The following TGIF1 variants were observed in gnomAD, a reference collection of about 807,000 sequenced individuals.
TGIF1 encodes the protein TGFB induced factor homeobox 1.
In TGIF1, 4 loss-of-function variants were observed where a neutral mutation model predicts 19.3. The observed-to-expected ratio is 0.21, with a 90% confidence interval of 0.10 to 0.47. The LOEUF (loss-of-function observed/expected upper bound fraction) is 0.47. Among genes scored for constraint, TGIF1 ranks in the 20% least tolerant of loss-of-function variants. The probability of loss-of-function intolerance (pLI) is 0.98; values close to 1 mark genes in which losing one functional copy is unlikely to be tolerated. For synonymous variants in TGIF1, 122 were observed against 129.3 expected, an observed-to-expected ratio of 0.94 and a Z score of 0.38; for missense variants, 275 against 341.4, an observed-to-expected ratio of 0.81 and a Z score of 1.53.
chr18:3,426,621 G>T (rs8083098), intron 2 of TGIF1, among the ~76,000 whole-genome samples: 18,164 of 152,156 alleles, frequency 0.12, 1,408 homozygotes, highest in African/African-American at 0.23. Flanking sequence ...GGAGAAAGAA[G>T]CAGGAATTCC....
chr18:3,435,973 GTC>G (rs34525527), intron 2 of TGIF1, among the ~76,000 whole-genome samples: 88,429 of 151,772 alleles, frequency 0.58, 26,228 homozygotes, highest in East Asian at 0.91. Context: ...CGATCTTCCT[GTC>G]TCTCTGCCAC....
intron 2 of TGIF1, among the ~76,000 whole-genome samples, chr18:3,423,446 A>G (rs57425360): frequency 0.13 from 19,439 of 151,862 alleles, 3,804 homozygotes; most frequent in African/African-American, 0.42. Flanking sequence ...TTGGGAGGCC[A>G]GGGCGGGCAG....
At chr18:3,427,636 G>A (rs565763707) in intron 2 of TGIF1, among the ~76,000 whole-genome samples, 30 of 146,700 alleles carry the variant, frequency 2.0e-4, no homozygotes, top group Admixed American at 4.8e-4. Context: ...GTTTCCCTCT[G>A]TCACCCAGGC....
In TGIF1 at chr18:3,419,202, T is replaced by G. The variant is rs545082165; in HGVS notation, c.-45+987T>G. Among the ~76,000 whole-genome samples the G allele has an allele frequency of 1.6e-4, 25 of 152,166 alleles. 1 individual carries two copies. In the South Asian group the frequency reaches 5.2e-3, roughly 32 times the overall value. On this transcript the variant is annotated intron_variant, in intron 2 of 3. Coordinates refer to the TGIF1 transcript ENST00000401449. The stretch of plus-strand genomic sequence containing the variant: ...GCATATAAGTTAAGATGGAGGAAAA[T>G]AAACTCAATAATGTTGAGAGAATTG...
At chr18:3,454,965 C>T (rs1368769840) in intron 1 of TGIF1, among the ~76,000 whole-genome samples, 2 of 152,126 alleles carry the variant, frequency 1.3e-5, no homozygotes, top group East Asian at 3.8e-4. Context: ...CGGTGTTTAG[C>T]TTAAGAGGAA....
upstream of TGIF1, chr18:3,448,180 C>A (rs113485929): frequency 6.2e-5 from 61 of 985,046 alleles, no homozygotes; most frequent in Non-Finnish European, 7.2e-5. Flanking sequence ...CAAAGCGTCT[C>A]CCCAGTAACC....
Position 3,456,759 on chromosome 18 carries a change from C to G in TGIF1, c.243+179C>G, listed in dbSNP as rs1273584876. On this transcript the variant is annotated intron_variant, in intron 2 of 2. Transcript: ENST00000343820. This position sits in a 1 kb window ranked among gnomAD's most constrained non-coding sequence, Gnocchi z 4.2. ...TAGCTATTTAGAGAACACAGAAACACTTGACAGTCATCTATCAGATAGCAT... is the reference window on the plus strand; with the variant it reads ...TAGCTATTTAGAGAACACAGAAACAGTTGACAGTCATCTATCAGATAGCAT... The G allele has an allele frequency of 1.6e-5, 11 of 707,394 alleles. No homozygotes were observed. The highest frequency in any genetic ancestry group is 2.5e-5 in the Non-Finnish European group (10 of 393,584). The allele number at this position is 707,394 out of a possible 1,614,324, so 43.8% of individuals were successfully genotyped here. A position where few individuals can be genotyped will look rare whatever the true frequency, so the allele number is the denominator to read the frequency against.
rs749229272 is a variant in TGIF1, at chr18:3,456,394, C to T, written c.57C>T (p.Asp19=). ...AASGSETEDE[D]SMDIPLDLSS... is the part of the protein sequence containing the mutation. ...CTGGCAGTGAGACTGAGGATGAGGA[C>T]AGCATGGACATTCCCTTGGACCTTT... Residue 19 remains aspartate, a synonymous_variant, in exon 2 of 3, where the codon GAC becomes GAT. Transcript: ENST00000343820. This position sits in a 1 kb window ranked among gnomAD's most constrained non-coding sequence, Gnocchi z 4.2. The T allele has an allele frequency of 6.2e-6, 10 of 1,614,240 alleles. No homozygotes were observed. The South Asian group carries it at 1.1e-4, about 18-fold the overall frequency.
intron 2 of TGIF1, among the ~76,000 whole-genome samples, chr18:3,424,631 C>T (rs1435801294): frequency 6.6e-6 from 1 of 152,162 alleles, no homozygotes; most frequent in Non-Finnish European, 1.5e-5. Flanking sequence ...ATAGTGGTTG[C>T]CACTGGATTA....
Position 3,457,370 on chromosome 18 carries a change from T to C in TGIF1, c.249T>C (p.Cys83=). 6.2e-7 allele frequency: 1 copy of C among 1,614,228 alleles called. No individual in the cohort carries two copies. The highest frequency in any genetic ancestry group is 2.2e-5 in the East Asian group (1 of 44,884). The change falls in exon 3 of 3, where the codon TGT becomes TGC. Residue 83 remains cysteine, a synonymous_variant. Coordinates refer to ENST00000343820, the MANE Select transcript of TGIF1 (RefSeq NM_003244.4). The surrounding 1 kb of genome is among the most constrained non-coding windows in gnomAD (Gnocchi z 4.9). ...QQTHLSTLQV[C]NWFINARRRL... The stretch of plus-strand genomic sequence containing the variant: ...GCGTACCGATATGATTTCAGGTCTG[T>C]AACTGGTTCATCAACGCCCGCCGCA...
At chr18:3,440,186 A>G (rs893630091) in intron 2 of TGIF1, among the ~76,000 whole-genome samples, 2 of 152,164 alleles carry the variant, frequency 1.3e-5, no homozygotes, top group African/African-American at 2.4e-5. Flanking sequence ...CCCGGTCTCT[A>G]CTAAAAATAC....
intron 2 of TGIF1, among the ~76,000 whole-genome samples, chr18:3,427,230 C>A (rs2082483284): frequency 6.6e-6 from 1 of 152,140 alleles, no homozygotes; most frequent in Admixed American, 6.6e-5. Flanking sequence ...AGGCGTGAGC[C>A]ACCGCGCCCA....
chr18:3,441,217 A>ATT (rs1375099347), intron 2 of TGIF1, among the ~76,000 whole-genome samples: 1 of 152,102 alleles, frequency 6.6e-6, no homozygotes, highest in Non-Finnish European at 1.5e-5. Flanking sequence ...TGCTACAACT[A>ATT]TTTTTCCAAG....
chr18:3,421,093 G>A (rs2082391833), intron 2 of TGIF1, among the ~76,000 whole-genome samples: 1 of 152,026 alleles, frequency 6.6e-6, no homozygotes, highest in Admixed American at 6.6e-5. Context: ...CGTCAAAGCT[G>A]TCCTAACTTT....
At chr18:3,449,228 G>A (rs1278518091), upstream of TGIF1, among the ~76,000 whole-genome samples, 1 of 152,136 alleles carries the variant, frequency 6.6e-6, no homozygotes, top group Non-Finnish European at 1.5e-5. Context: ...TGGGAGGAGG[G>A]ATCCCCTAGC....
intron 2 of TGIF1, among the ~76,000 whole-genome samples, chr18:3,426,734 C>G (rs550257541): frequency 2.6e-5 from 4 of 152,120 alleles, no homozygotes; most frequent in African/African-American, 4.8e-5. Context: ...AAGAATCACA[C>G]TTTTAGGAAG....
intron 2 of TGIF1, among the ~76,000 whole-genome samples, chr18:3,429,130 C>T (rs970577613): frequency 7.9e-5 from 12 of 152,066 alleles, no homozygotes; most frequent in African/African-American, 2.2e-4. Context: ...GATTATAGCT[C>T]ACTGCAGCCT....
intron 1 of TGIF1, among the ~76,000 whole-genome samples, chr18:3,412,582 A>T (rs1003763663): frequency 6.6e-6 from 1 of 152,228 alleles, no homozygotes; most frequent in African/African-American, 2.4e-5. Context: ...AGGTGGTATG[A>T]GTAATTTTTC....
At chr18:3,437,909 C>T (rs1395201652) in intron 2 of TGIF1, among the ~76,000 whole-genome samples, 2 of 152,110 alleles carry the variant, frequency 1.3e-5, no homozygotes, top group Non-Finnish European at 2.9e-5. Flanking sequence ...CATGGTGAAA[C>T]CCCATCTCTA....
Sources: allele counts gnomAD v4.1 joint callset (sites outside exome capture counted in the v4.1 genomes callset), GRCh38; gene constraint gnomAD v4.1.1; non-coding constraint Gnocchi (gnomAD v3.1); transcripts MANE v1.5; gene names NCBI Gene and HGNC (gene_info 2026-07-23, HGNC 2026-07-21).